Variants in CHD7 observed in about 807,000 individuals in gnomAD.
CHD7 encodes the protein ATP-dependent chromatin remodeler CHD7.
A neutral mutation model predicts 307.3 loss-of-function variants in CHD7; 24 were observed. That is an observed-to-expected ratio of 0.08 (90% confidence interval 0.06 to 0.11). CHD7 has a LOEUF of 0.11. Among genes scored for constraint, CHD7 ranks in the 10% least tolerant of loss-of-function variants. The pLI, the probability that CHD7 is intolerant of heterozygous loss-of-function variation, is 1.00. For synonymous variants in CHD7, 1,363 were observed against 1,349.9 expected (o/e 1.01, Z -0.21); for missense variants, 3,106 against 3,727.1 (o/e 0.83, Z 4.34).
At chr8:60,855,354 T>C (rs1805652998) in intron 32 of CHD7, 1 of 152,704 alleles carries the variant, frequency 6.5e-6, no homozygotes, top group Non-Finnish European at 1.5e-5. Context: ...AGCAGGCACT[T>C]TTAATCTATG....
intron 7 of CHD7, among the ~76,000 whole-genome samples, chr8:60,811,612 A>G (rs896865198): frequency 2.6e-5 from 4 of 152,128 alleles, no homozygotes; most frequent in Non-Finnish European, 4.4e-5. Context: ...ATGTTTTCCA[A>G]TTACGGATAA....
intron 3 of CHD7, among the ~76,000 whole-genome samples, chr8:60,793,188 A>C (rs1169502152): frequency 6.6e-6 from 1 of 152,088 alleles, no homozygotes; most frequent in Non-Finnish European, 1.5e-5. Context: ...AGTAGGGGAG[A>C]CTTCTGTCCA....
intron 2 of CHD7, among the ~76,000 whole-genome samples, chr8:60,759,989 T>C (rs1810098658): frequency 6.6e-6 from 1 of 152,190 alleles, no homozygotes; most frequent in Non-Finnish European, 1.5e-5. Context: ...CAGCTGTGGC[T>C]CCCACTGAGT....
intron 37 of CHD7, 82 bp downstream of exon 37, chr8:60,862,734 T>G (rs1806059082): frequency 1.1e-6 from 1 of 929,066 alleles, no homozygotes. Context: ...CTGTTGGCCA[T>G]TAATTATTCA....
intron 6 of CHD7, among the ~76,000 whole-genome samples, chr8:60,804,037 C>A (rs1416401389): frequency 6.6e-6 from 1 of 152,122 alleles, no homozygotes; most frequent in Admixed American, 6.5e-5. Flanking sequence ...ATCACTGTGG[C>A]CTGAGAAGCA....
chr8:60,810,867 T>G (rs1812769396), intron 7 of CHD7, among the ~76,000 whole-genome samples: 1 of 152,188 alleles, frequency 6.6e-6, no homozygotes, highest in African/African-American at 2.4e-5. Flanking sequence ...GTTAGGAACC[T>G]GGCCGCACAG....
intron 23 of CHD7, 119 bp downstream of exon 23, chr8:60,845,528 A>C: frequency 9.2e-7 from 1 of 1,092,112 alleles, no homozygotes; most frequent in South Asian, 1.6e-5. Flanking sequence ...GGGTCAACTG[A>C]GGGACCTGAG....
At chr8:60,821,544 GTATA>G (rs138906255) in intron 9 of CHD7, among the ~76,000 whole-genome samples, 6 of 151,028 alleles carry the variant, frequency 4.0e-5, no homozygotes, top group Non-Finnish European at 5.9e-5. Flanking sequence ...ATGTATATAT[GTATA>G]TATATAAGCA....
At position 60,766,424 on chromosome 8, in the gene CHD7, A is replaced by G. The variant is rs118162674; in HGVS notation, c.1666-14576A>G. On this transcript the variant is annotated intron_variant, in intron 2 of 37. Transcript: ENST00000423902. ...GGAAGGTACTGGAGATCTTTAAGAGAAACGTGATGCGATCTGATTTGCATT... is the reference window on the plus strand; with the variant it reads ...GGAAGGTACTGGAGATCTTTAAGAGGAACGTGATGCGATCTGATTTGCATT... Among the ~76,000 whole-genome samples, 737 of 152,342 alleles carry G rather than the reference A, an allele frequency of 4.8e-3. 7 individuals carry two copies. Among genetic ancestry groups the G allele is most frequent in the South Asian group, 0.034 (162 of 4,828 alleles).
intron 7 of CHD7, among the ~76,000 whole-genome samples, chr8:60,814,519 C>T (rs1803639510): frequency 6.6e-6 from 1 of 152,190 alleles, no homozygotes; most frequent in African/African-American, 2.4e-5. Context: ...GATCTCAGCT[C>T]ACTGCAACCT....
At chr8:60,683,504 G>C (rs1211347594) in intron 1 of CHD7, among the ~76,000 whole-genome samples, 1 of 152,166 alleles carries the variant, frequency 6.6e-6, no homozygotes, top group Non-Finnish European at 1.5e-5. Context: ...ATAAAAAGAA[G>C]AAATAGAAAC....
intron 1 of CHD7, among the ~76,000 whole-genome samples, chr8:60,687,594 G>T (rs1381332748): frequency 6.6e-6 from 1 of 152,086 alleles, no homozygotes; most frequent in Non-Finnish European, 1.5e-5. Context: ...TATATGTTGG[G>T]CCAATCAAGT....
chr8:60,810,704 T>C lies in CHD7; in HGVS notation c.2498+2432T>C, dbSNP rs141543366. ...ACAAAGAAGCCTATATTTGGTTAGC[T>C]TTTTGTCTTTAGTTTGAGGGCATAG... On this transcript the variant is annotated intron_variant, in intron 7 of 37. Coordinates refer to ENST00000423902, the MANE Select transcript of CHD7 (RefSeq NM_017780.4). Among the ~76,000 whole-genome samples the C allele has an allele frequency of 1.8e-4, 27 of 152,316 alleles. 1 individual carries two copies. The East Asian group carries it at 5.0e-3, about 28-fold the overall frequency.
At chr8:60,830,634 C>CT in intron 15 of CHD7, 57 bp downstream of exon 15, 1 of 1,581,130 alleles carries the variant, frequency 6.3e-7, no homozygotes, top group Non-Finnish European at 8.6e-7. Flanking sequence ...CCAGAAATCC[C>CT]TTTCTGCCCC....
intron 34 of CHD7, among the ~76,000 whole-genome samples, chr8:60,859,878 T>A (rs1435590437): frequency 6.6e-6 from 1 of 152,070 alleles, no homozygotes; most frequent in Non-Finnish European, 1.5e-5. Flanking sequence ...AGGAGAGTGA[T>A]GTGACATAAT....
chr8:60,710,884 A>G (rs1211543333), intron 1 of CHD7, among the ~76,000 whole-genome samples: 3 of 152,278 alleles, frequency 2.0e-5, no homozygotes, highest in Admixed American at 1.3e-4. Flanking sequence ...TCACCTAGGC[A>G]GGAAGGGATG....
intron 1 of CHD7, among the ~76,000 whole-genome samples, chr8:60,684,919 G>A (rs566532214): frequency 1.3e-5 from 2 of 152,280 alleles, no homozygotes; most frequent in African/African-American, 4.8e-5. Context: ...CTAGATTGGT[G>A]GTGGCCATGG....
chr8:60,728,941 T>C (rs1442743629), intron 1 of CHD7, among the ~76,000 whole-genome samples: 7 of 152,160 alleles, frequency 4.6e-5, no homozygotes, highest in Non-Finnish European at 8.8e-5. Context: ...TACCCAATAG[T>C]TATCTTTTCT....
chr8:60,801,619 T>A lies in CHD7; in HGVS notation c.2442+26T>A, dbSNP rs755343635. 1.7e-5 allele frequency: 25 copies of A among 1,487,552 alleles called. No homozygotes were observed. In the Admixed American group the frequency reaches 2.7e-4, roughly 16 times the overall value. 92.1% of individuals were successfully genotyped at this position (1,487,552 alleles called of 1,614,324 possible). ...GTGAGTGCCATTGGAGCCATTAAAA[T>A]CTGTGAGGTGTATGTGACTCTTACA... On this transcript the variant is annotated intron_variant, in intron 6 of 37. Transcript: ENST00000423902.
Sources: allele counts gnomAD v4.1 joint callset (sites outside exome capture counted in the v4.1 genomes callset), GRCh38; gene constraint gnomAD v4.1.1; transcripts MANE v1.5; gene names NCBI Gene and HGNC (gene_info 2026-07-23, HGNC 2026-07-21).